Variants in COX11 observed in about 807,000 individuals in gnomAD.
COX11 encodes cytochrome c oxidase copper chaperone COX11, also known as cytochrome c oxidase assembly protein COX11, mitochondrial.
In COX11, 18 loss-of-function variants were observed where a neutral mutation model predicts 29.4. The ratio of observed to expected loss-of-function variants is 0.61; its 90% CI spans 0.42 to 0.91. COX11 has a LOEUF of 0.91. Ranked by LOEUF, COX11 falls within the 40% of genes least tolerant of loss-of-function variation. COX11 has a pLI of 0.00. For synonymous variants in COX11, 131 were observed against 124.0 expected (o/e 1.06, Z -0.38); for missense variants, 312 against 346.0 (o/e 0.90, Z 0.78).
intron 1 of COX11, among the ~76,000 whole-genome samples, chr17:54,966,939 G>C (rs1284834452): frequency 1.3e-5 from 2 of 152,154 alleles, no homozygotes; most frequent in East Asian, 3.9e-4. Context: ...ACTTTGGGAG[G>C]CCAAGGCAGG....
In COX11 at chr17:54,960,612, A is replaced by T. The variant is rs1404436142; in HGVS notation, c.*2121T>A. The T allele has an allele frequency of 6.2e-7, 1 of 1,612,026 alleles. No homozygotes were observed. The highest frequency in any genetic ancestry group is 1.7e-5 in the Admixed American group (1 of 60,014). On this transcript the variant is annotated 3_prime_UTR_variant, in exon 4 of 4. Transcript: ENST00000299335. ...TGCTCACCAGCACAAAGGAGCTCAA[A>T]ATGATGGTGACTGAGGTAAAGACTT...
chr17:54,965,835 G>C (rs1426478971), intron 1 of COX11, among the ~76,000 whole-genome samples: 1 of 143,442 alleles, frequency 7.0e-6, no homozygotes, highest in Non-Finnish European at 1.5e-5. Flanking sequence ...CATCTCAAAA[G>C]AAAAAAAAAA....
At position 54,965,584 on chromosome 17, in the gene COX11, T is replaced by G. The variant is rs189167731; in HGVS notation, c.367-732A>C. ...TTTAAAAAAAGCCCTTACCCAGCAC[T>G]TTGGGAAGCCACGGGGGGCGGATCA... is the stretch of plus-strand genomic sequence containing the variant. On this transcript the variant is annotated intron_variant, in intron 1 of 3. Coordinates refer to ENST00000299335, the MANE Select transcript of COX11 (RefSeq NM_004375.5). 8.4e-3 allele frequency among the ~76,000 whole-genome samples: 1,284 copies of G among 152,230 alleles called. 23 individuals are homozygous for G. Among genetic ancestry groups the G allele is most frequent in the African/African-American group, 0.029 (1,209 of 41,526 alleles).
chr17:54,965,552 C>T (rs77056599), intron 1 of COX11, among the ~76,000 whole-genome samples: 3,215 of 152,230 alleles, frequency 0.021, 126 homozygotes, highest in African/African-American at 0.074. Context: ...ATTTCCTTGA[C>T]ATCACTTTTA....
intron 2 of COX11, among the ~76,000 whole-genome samples, 184 bp from the exon 3 acceptor site, chr17:54,963,615 AT>A (rs1169207962): frequency 6.6e-6 from 1 of 152,106 alleles, no homozygotes; most frequent in Non-Finnish European, 1.5e-5. Context: ...ACTTACTTGC[AT>A]ATGTCAATGA....
chr17:54,958,144 A>T (rs576395777), downstream of COX11: 1 of 152,346 alleles, frequency 6.6e-6, no homozygotes, highest in East Asian at 1.9e-4. Context: ...AAATGCTAAA[A>T]CCAAGAGTAA....
At position 54,962,093 on chromosome 17, in the gene COX11, G is replaced by A. The variant is rs1217229033; in HGVS notation, c.*640C>T. The A allele has an allele frequency of 1.0e-6, 1 of 966,894 alleles. No homozygotes were observed. Among genetic ancestry groups the A allele is most frequent in the African/African-American group, 1.8e-5 (1 of 56,878 alleles). 59.9% of individuals were successfully genotyped at this position (966,894 alleles called of 1,614,324 possible). A position where few individuals can be genotyped will look rare whatever the true frequency, so the allele number is the denominator to read the frequency against. ...TGCTTTGGCTAACAGCCTAGTAGATGTATTTTATTTCAATTTTATGATACT... is the reference window on the plus strand; with the variant it reads ...TGCTTTGGCTAACAGCCTAGTAGATATATTTTATTTCAATTTTATGATACT... On this transcript the variant is annotated 3_prime_UTR_variant, in exon 4 of 4. Coordinates refer to ENST00000299335, the MANE Select transcript of COX11 (RefSeq NM_004375.5).
chr17:54,957,094 G>GT (rs1285213708), downstream of COX11: 1 of 152,210 alleles, frequency 6.6e-6, no homozygotes, highest in Non-Finnish European at 1.5e-5. Context: ...AAAAAAGCAG[G>GT]TGATTACTCA....
upstream of COX11, chr17:54,968,690 T>A: frequency 6.3e-7 from 1 of 1,576,542 alleles, no homozygotes; most frequent in Non-Finnish European, 8.6e-7. Context: ...GGACGAGAGG[T>A]CAAATCTCGC....
chr17:54,961,357 T>C lies in COX11; in HGVS notation c.*1376A>G, dbSNP rs1345419493. 8 of 1,551,168 alleles carry C rather than the reference T, an allele frequency of 5.2e-6. No individual in the cohort carries two copies. The African/African-American group carries it at 5.5e-5, about 11-fold the overall frequency. ...AACATGTCAAAGCCATGGTGGCACATTTCTGCTATAATGAAGATTAAATAG... is the reference window on the plus strand; with the variant it reads ...AACATGTCAAAGCCATGGTGGCACACTTCTGCTATAATGAAGATTAAATAG... On this transcript the variant is annotated 3_prime_UTR_variant, in exon 4 of 4. Coordinates refer to ENST00000299335, the MANE Select transcript of COX11 (RefSeq NM_004375.5).
chr17:54,968,772 A>C (rs914159913), upstream of COX11: 91 of 1,148,266 alleles, frequency 7.9e-5, no homozygotes, highest in Non-Finnish European at 1.0e-4. Flanking sequence ...CTCAGGTGGC[A>C]GCGCTTGCAG....
downstream of COX11, chr17:54,957,039 T>C (rs1193165515): frequency 6.6e-6 from 1 of 152,260 alleles, no homozygotes; most frequent in Non-Finnish European, 1.5e-5. Context: ...TGTCATGAAC[T>C]GGTTTAAACC....
In COX11 at chr17:54,964,839, C is replaced by T; in HGVS notation, c.380G>A (p.Gly127Glu). Residue 127 changes from glycine (G) to glutamate (E), a missense_variant, in exon 2 of 4, where the codon GGA (glycine) becomes GAA (glutamate). Gly to Glu is a moderately conservative substitution (Grantham distance 98, BLOSUM62 -2). Transcript: ENST00000299335. Reference protein sequence around the residue: ...YRLYCQTTGLGGSAVAGHASD... With the variant: ...YRLYCQTTGLEGSAVAGHASD... ...GGCATGACCTGCAACTGCTGATCCT[C>T]CAAGTCCAGTAGTCTAGAAAAAGAT... 6.2e-7 allele frequency: 1 copy of T among 1,612,820 alleles called. No homozygotes were observed. The highest frequency in any genetic ancestry group is 8.5e-7 in the Non-Finnish European group (1 of 1,179,882).
exon 1 of COX11, chr17:54,953,720 TCTTC>T (rs2049350458): frequency 6.6e-6 from 1 of 152,258 alleles, no homozygotes; most frequent in Non-Finnish European, 1.5e-5. Flanking sequence ...CATCTTCTTG[TCTTC>T]CTTTTCATCA....
In COX11 at chr17:54,961,326, C is replaced by T. The variant is rs1378627730; in HGVS notation, c.*1407G>A. On this transcript the variant is annotated 3_prime_UTR_variant, in exon 4 of 4. Transcript: ENST00000299335. ...CAGCTTTGAAGCCTGGAAGACAATACCTACCAACATGTCAAAGCCATGGTG... is the reference window on the plus strand; with the variant it reads ...CAGCTTTGAAGCCTGGAAGACAATATCTACCAACATGTCAAAGCCATGGTG... 1.3e-5 allele frequency: 20 copies of T among 1,551,424 alleles called. No individual in the cohort carries two copies. Among genetic ancestry groups the T allele is most frequent in the African/African-American group, 8.2e-5 (6 of 73,044 alleles).
Position 54,964,517 on chromosome 17 carries a change from T to A in COX11, c.522+180A>T, listed in dbSNP as rs1393438373. 1.3e-5 allele frequency: 8 copies of A among 629,418 alleles called. No homozygotes were observed. The East Asian group carries it at 1.7e-4, about 14-fold the overall frequency. 39.0% of individuals were successfully genotyped at this position (629,418 alleles called of 1,614,324 possible). On this transcript the variant is annotated intron_variant, in intron 2 of 3. Coordinates refer to ENST00000299335, the MANE Select transcript of COX11 (RefSeq NM_004375.5). Reference sequence around the variant, plus strand: ...TTTTAATAGTGCTTTACACCTAATGTAACAGAATTTATACTTTAACTTTTA... The same window carrying A: ...TTTTAATAGTGCTTTACACCTAATGAAACAGAATTTATACTTTAACTTTTA...
chr17:54,961,019 C>A lies in COX11; in HGVS notation c.*1714G>T. 1.2e-5 allele frequency: 7 copies of A among 578,980 alleles called. No individual in the cohort carries two copies. The South Asian group carries it at 1.5e-4, about 12-fold the overall frequency. The allele number at this position is 578,980 out of a possible 1,614,324, so 35.9% of individuals were successfully genotyped here. A position where few individuals can be genotyped will look rare whatever the true frequency, so the allele number is the denominator to read the frequency against. ...GTCTGAATTTTTCCTATTTTCAGCA[C>A]TACTAATCCCATGTATTTACTATTT... On this transcript the variant is annotated 3_prime_UTR_variant, in exon 4 of 4. Transcript: ENST00000299335.
At chr17:54,954,140 T>C (rs1200916735) in exon 1 of COX11, 1 of 152,184 alleles carries the variant, frequency 6.6e-6, no homozygotes. Flanking sequence ...CACCAGGTTA[T>C]CAGCACACAT....
Position 54,964,685 on chromosome 17 carries a change from T to C in COX11, c.522+12A>G. ...AATAAAGTAATCTTTTAATGACTGGTTAGTCACTTACATATATTTCTGTTT... is the reference window on the plus strand; with the variant it reads ...AATAAAGTAATCTTTTAATGACTGGCTAGTCACTTACATATATTTCTGTTT... On this transcript the variant is annotated intron_variant, in intron 2 of 3. Coordinates refer to ENST00000299335, the MANE Select transcript of COX11 (RefSeq NM_004375.5). 1 of 1,609,824 alleles carries C rather than the reference T, an allele frequency of 6.2e-7. No homozygotes were observed. Among genetic ancestry groups the C allele is most frequent in the South Asian group, 1.1e-5 (1 of 90,834 alleles).
Sources: allele counts gnomAD v4.1 joint callset (sites outside exome capture counted in the v4.1 genomes callset), GRCh38; gene constraint gnomAD v4.1.1; transcripts MANE v1.5; gene names NCBI Gene and HGNC (gene_info 2026-07-23, HGNC 2026-07-21).